Variants in DBT observed in about 807,000 individuals in gnomAD.
DBT encodes the protein dihydrolipoamide branched chain transacylase E2, also known as lipoamide acyltransferase component of branched-chain alpha-keto acid dehydrogenase complex, mitochondrial.
DBT carries 40 observed loss-of-function variants against 51.3 expected under a neutral mutation model. That is an observed-to-expected ratio of 0.78 (90% confidence interval 0.61 to 1.02). The LOEUF is 1.02. DBT is among the 50% of genes least tolerant of loss of function. The pLI, the probability that DBT is intolerant of heterozygous loss-of-function variation, is 0.00. For synonymous variants in DBT, 181 were observed against 190.4 expected, an observed-to-expected ratio of 0.95 and a Z score of 0.41; for missense variants, 510 against 580.2, an observed-to-expected ratio of 0.88 and a Z score of 1.24.
Position 100,206,431 on chromosome 1 carries a change from A to G in DBT, c.1209+14T>C. 1 of 1,601,892 alleles carries G rather than the reference A, an allele frequency of 6.2e-7. No homozygotes were observed. The highest frequency in any genetic ancestry group is 8.6e-7 in the Non-Finnish European group (1 of 1,169,102). On this transcript the variant is annotated intron_variant, in intron 9 of 10. Transcript: ENST00000370132. Reference sequence around the variant, plus strand: ...CTTAAGTAATGGTTTATGTATTTCAACATTATTACTCACTGATCCAATGTT... The same window carrying G: ...CTTAAGTAATGGTTTATGTATTTCAGCATTATTACTCACTGATCCAATGTT...
chr1:100,203,980 C>T (rs568951036), intron 10 of DBT, among the ~76,000 whole-genome samples: 1 of 152,258 alleles, frequency 6.6e-6, no homozygotes, highest in Non-Finnish European at 1.5e-5. Flanking sequence ...TTATGATAAA[C>T]CCACAGCCAA....
In DBT at chr1:100,244,743, AATT is replaced by A. The variant is rs565683678; in HGVS notation, c.52-3862_52-3860del. Among the ~76,000 whole-genome samples the A allele has an allele frequency of 1.5e-3, 229 of 152,146 alleles. 5 individuals carry two copies. The highest frequency in any genetic ancestry group is 0.014 in the Admixed American group (216 of 15,288). On this transcript the variant is annotated intron_variant, in intron 1 of 10. Coordinates refer to ENST00000370132, the MANE Select transcript of DBT (RefSeq NM_001918.5). The stretch of plus-strand genomic sequence containing the variant: ...ATAATAACTGATAATAAAATAGAAA[AATT>A]ATAATAATATACTGTAATAAAGGTT...
At chr1:100,211,142 A>G (rs759970353) in intron 7 of DBT, 1 of 779,004 alleles carries the variant, frequency 1.3e-6, no homozygotes, top group Non-Finnish European at 2.4e-6. Context: ...TCAAAACACA[A>G]AAAAAGCAGG....
intron 7 of DBT, chr1:100,213,343 G>C: frequency 1.3e-6 from 2 of 1,523,016 alleles, no homozygotes; most frequent in South Asian, 2.4e-5. Context: ...ACAACCTGGA[G>C]GCCGGCCAGG....
chr1:100,221,439 C>T (rs913453219), intron 4 of DBT, among the ~76,000 whole-genome samples: 2 of 152,068 alleles, frequency 1.3e-5, no homozygotes, highest in South Asian at 4.1e-4. Flanking sequence ...CTGCCTTGGC[C>T]TCCTTCAGTG....
At chr1:100,239,143 C>G (rs1664064509) in intron 2 of DBT, among the ~76,000 whole-genome samples, 2 of 152,212 alleles carry the variant, frequency 1.3e-5, no homozygotes, top group South Asian at 4.1e-4. Flanking sequence ...CACAGGTGAT[C>G]AATAAATATT....
At chr1:100,209,600 C>G (rs541825435) in intron 8 of DBT, among the ~76,000 whole-genome samples, 1 of 151,640 alleles carries the variant, frequency 6.6e-6, no homozygotes, top group Non-Finnish European at 1.5e-5. Flanking sequence ...TTGCTCTTGT[C>G]GCCCACGCTG....
intron 1 of DBT, among the ~76,000 whole-genome samples, chr1:100,242,588 T>C (rs1664288444): frequency 6.6e-6 from 1 of 152,194 alleles, no homozygotes; most frequent in African/African-American, 2.4e-5. Context: ...AAAGCCTAAC[T>C]AAAATAATTA....
Position 100,206,504 on chromosome 1 carries a change from T to C in DBT, c.1150A>G (p.Ser384Gly), listed in dbSNP as rs12021720. The C allele has an allele frequency of 0.91, 1,464,526 of 1,613,388 alleles. 665,858 individuals carry two copies. Among genetic ancestry groups the C allele is most frequent in the East Asian group, 0.98 (43,907 of 44,866 alleles). ...LNRLQKLGSV[S>G]QLSTTDLTGG... ...GTAAGATCAGTGGTGCTGAGCTGAC[T>C]CACAGAGCCCAATTTCTGGAGGCGG... The change falls in exon 9 of 11, where the codon AGT (serine) becomes GGT (glycine). Residue 384 changes from serine to glycine, a missense_variant. Coordinates refer to ENST00000370132, the MANE Select transcript of DBT (RefSeq NM_001918.5).
chr1:100,215,517 T>C (rs1232434224), intron 6 of DBT, among the ~76,000 whole-genome samples: 1 of 152,198 alleles, frequency 6.6e-6, no homozygotes, highest in Non-Finnish European at 1.5e-5. Context: ...AAAGCTATGC[T>C]ATTTCACCAT....
At chr1:100,226,981 A>C (rs543652426) in intron 4 of DBT, among the ~76,000 whole-genome samples, 3 of 152,336 alleles carry the variant, frequency 2.0e-5, no homozygotes, top group African/African-American at 2.4e-5. Context: ...ACAATTATCC[A>C]AACTTGAGTG....
chr1:100,219,758 C>A (rs1016042000), intron 4 of DBT, among the ~76,000 whole-genome samples: 2 of 151,704 alleles, frequency 1.3e-5, no homozygotes, highest in Non-Finnish European at 2.9e-5. Flanking sequence ...CAAAAAAAAC[C>A]GCACAAGAAT....
At position 100,189,453 on chromosome 1, in the gene DBT, T is replaced by G. The variant is rs1208263475; in HGVS notation, c.*6802A>C. ...TAAATAGTTCATAGTTGACCTGGTC[T>G]GTCTGACTGTCTGAGATGTCACTGA... On this transcript the variant is annotated 3_prime_UTR_variant, in exon 11 of 11. Transcript: ENST00000370132. The G allele has an allele frequency of 6.6e-6, 1 of 152,206 alleles. No individual in the cohort carries two copies. The highest frequency in any genetic ancestry group is 1.5e-5 in the Non-Finnish European group (1 of 68,034). The allele number at this position is 152,206 out of a possible 1,614,324, so 9.4% of individuals were successfully genotyped here.
At position 100,191,921 on chromosome 1, in the gene DBT, C is replaced by T. The variant is rs925903864; in HGVS notation, c.*4334G>A. On this transcript the variant is annotated 3_prime_UTR_variant, in exon 11 of 11. Transcript: ENST00000370132. ...ACCTCAGCCTCCTGAGTAGGTGGCA[C>T]ACAGGTGCATGTCACTTCATCGGCC... 1 of 152,094 alleles carries T rather than the reference C, an allele frequency of 6.6e-6. No homozygotes were observed. The highest frequency in any genetic ancestry group is 6.5e-5 in the Admixed American group (1 of 15,274). 9.4% of individuals were successfully genotyped at this position (152,094 alleles called of 1,614,324 possible). A position where few individuals can be genotyped will look rare whatever the true frequency, so the allele number is the denominator to read the frequency against.
At chr1:100,228,908 G>T (rs1188610511) in intron 4 of DBT, among the ~76,000 whole-genome samples, 1 of 152,160 alleles carries the variant, frequency 6.6e-6, no homozygotes, top group Admixed American at 6.5e-5. Context: ...TATCTGGAAT[G>T]ATATACACGA....
Position 100,188,823 on chromosome 1 carries a change from C to G in DBT, c.*7432G>C, listed in dbSNP as rs1237165166. 1.3e-5 allele frequency: 2 copies of G among 152,322 alleles called. No homozygotes were observed. Among genetic ancestry groups the G allele is most frequent in the African/African-American group, 4.8e-5 (2 of 41,438 alleles). The allele number at this position is 152,322 out of a possible 1,614,324, so 9.4% of individuals were successfully genotyped here. ...ATGCTTCAGTTGTTTCTGTGGCTCTCCTCTGGACTCTCTCCAAATTCTCCT... is the reference window on the plus strand; with the variant it reads ...ATGCTTCAGTTGTTTCTGTGGCTCTGCTCTGGACTCTCTCCAAATTCTCCT... On this transcript the variant is annotated 3_prime_UTR_variant, in exon 11 of 11. Transcript: ENST00000370132.
intron 10 of DBT, among the ~76,000 whole-genome samples, chr1:100,199,760 G>C (rs1661332145): frequency 6.6e-6 from 1 of 152,196 alleles, no homozygotes; most frequent in Non-Finnish European, 1.5e-5. Flanking sequence ...GCAGAAGCAG[G>C]ATGGGGCGTC....
At position 100,187,700 on chromosome 1, in the gene DBT, A is replaced by ATTTTT. The variant is rs886044938; in HGVS notation, c.*8550_*8554dup. 30 of 124,172 alleles carry ATTTTT rather than the reference A, an allele frequency of 2.4e-4. No homozygotes were observed. Among genetic ancestry groups the ATTTTT allele is most frequent in the African/African-American group, 8.6e-4 (29 of 33,726 alleles). 7.7% of individuals were successfully genotyped at this position (124,172 alleles called of 1,614,324 possible). A position where few individuals can be genotyped will look rare whatever the true frequency, so the allele number is the denominator to read the frequency against. On this transcript the variant is annotated 3_prime_UTR_variant, in exon 11 of 11. Transcript: ENST00000370132. ...CCACCAGGCCTGGCTAACTTTTTGT[A>ATTTTT]TTTTTTTTTTTTTTTTTGTAGAGAC...
intron 1 of DBT, among the ~76,000 whole-genome samples, chr1:100,245,041 T>C (rs546294884): frequency 3.3e-5 from 5 of 152,236 alleles, no homozygotes; most frequent in East Asian, 1.9e-4. Flanking sequence ...AGTTGCTGAA[T>C]AGATGGATTA....
Sources: allele counts gnomAD v4.1 joint callset (sites outside exome capture counted in the v4.1 genomes callset), GRCh38; gene constraint gnomAD v4.1.1; transcripts MANE v1.5; gene names NCBI Gene and HGNC (gene_info 2026-07-23, HGNC 2026-07-21).